ZDHHC14: variants seen among roughly 807,000 people sequenced by gnomAD.
The protein encoded by ZDHHC14 is zDHHC palmitoyltransferase 14, also known as palmitoyltransferase ZDHHC14.
In ZDHHC14, 16 loss-of-function variants were observed where a neutral mutation model predicts 47.7. The observed-to-expected ratio is 0.34, with a 90% CI of 0.23 to 0.51. ZDHHC14 has a LOEUF of 0.51. ZDHHC14 is among the 20% of genes least tolerant of loss of function. The pLI is 0.97. For synonymous variants in ZDHHC14, 293 were observed against 278.9 expected (o/e 1.05, Z -0.50); for missense variants, 515 against 662.5 (o/e 0.78, Z 2.44).
chr6:157,668,505 A>T (rs1277976022), intron 8 of ZDHHC14, among the ~76,000 whole-genome samples: 1 of 147,784 alleles, frequency 6.8e-6, no homozygotes, highest in Non-Finnish European at 1.5e-5. Flanking sequence ...CCAACACAGT[A>T]AAACCCCCAT....
chr6:157,626,801 C>T (rs566866480), intron 3 of ZDHHC14, among the ~76,000 whole-genome samples: 46 of 150,570 alleles, frequency 3.1e-4, no homozygotes, highest in African/African-American at 9.2e-4. Flanking sequence ...TCCCCGGCCC[C>T]GGGTATTCTC....
chr6:157,591,017 A>G (rs1404738016), intron 2 of ZDHHC14, among the ~76,000 whole-genome samples: 1 of 152,248 alleles, frequency 6.6e-6, no homozygotes, highest in Non-Finnish European at 1.5e-5. Flanking sequence ...TGGGGCCTGT[A>G]GCCCATTTGT....
At chr6:157,621,728 A>C (rs1455282513) in intron 3 of ZDHHC14, among the ~76,000 whole-genome samples, 13 of 152,142 alleles carry the variant, frequency 8.5e-5, no homozygotes, top group Admixed American at 8.5e-4. Flanking sequence ...CTTGCCAAAC[A>C]TTTCGTTCGA....
intron 1 of ZDHHC14, among the ~76,000 whole-genome samples, chr6:157,529,865 C>T (rs1018823428): frequency 6.6e-6 from 1 of 152,158 alleles, no homozygotes; most frequent in Non-Finnish European, 1.5e-5. Flanking sequence ...ATCTGATTGA[C>T]TTCTGGTTAT....
At chr6:157,416,434 A>T (rs1777972594) in intron 1 of ZDHHC14, among the ~76,000 whole-genome samples, 2 of 152,046 alleles carry the variant, frequency 1.3e-5, no homozygotes, top group African/African-American at 4.8e-5. Flanking sequence ...AGGCCAAGTC[A>T]AGAGGATTGC....
At chr6:157,508,663 C>T (rs1378101480) in intron 1 of ZDHHC14, among the ~76,000 whole-genome samples, 1 of 152,186 alleles carries the variant, frequency 6.6e-6, no homozygotes, top group Non-Finnish European at 1.5e-5. Context: ...AAGGTGTGAG[C>T]CACTGCACCC....
Position 157,463,466 on chromosome 6 carries a change from TATATCCATAGC to T in ZDHHC14, c.246-79117_246-79107del, listed in dbSNP as rs1232133172. 2.6e-5 allele frequency among the ~76,000 whole-genome samples: 4 copies of T among 152,164 alleles called. No homozygotes were observed. The highest frequency in any genetic ancestry group is 5.9e-5 in the Non-Finnish European group (4 of 68,024). On this transcript the variant is annotated intron_variant, in intron 1 of 8. Coordinates refer to ENST00000359775, the MANE Select transcript of ZDHHC14 (RefSeq NM_024630.3). This position sits in a 1 kb window ranked among gnomAD's most constrained non-coding sequence, Gnocchi z 4.4. ...GTGTAGCCCTGCCCCTATACATTTG[TATATCCATAGC>T]AGTGCTGTGCTCTCTATCACCCCCA... is the stretch of plus-strand genomic sequence containing the variant.
intron 1 of ZDHHC14, among the ~76,000 whole-genome samples, chr6:157,541,343 G>A (rs1375285639): frequency 6.6e-6 from 1 of 152,140 alleles, no homozygotes; most frequent in African/African-American, 2.4e-5. Context: ...CACGGCTTGT[G>A]GCTCTCAAGT....
chr6:157,498,725 G>C (rs1210103568), intron 1 of ZDHHC14, among the ~76,000 whole-genome samples: 1 of 152,158 alleles, frequency 6.6e-6, no homozygotes, highest in Admixed American at 6.5e-5. Flanking sequence ...CTCTTGTCCT[G>C]CTTTATTTCT....
chr6:157,591,208 G>C (rs149580438), intron 2 of ZDHHC14, among the ~76,000 whole-genome samples: 10 of 152,212 alleles, frequency 6.6e-5, no homozygotes, highest in Non-Finnish European at 8.8e-5. Context: ...TTGGGGGACT[G>C]TTGGAAAGGC....
chr6:157,649,747 G>T (rs1583072639), intron 7 of ZDHHC14, among the ~76,000 whole-genome samples: 1 of 152,256 alleles, frequency 6.6e-6, no homozygotes, highest in East Asian at 1.9e-4. Context: ...GTTCCCAGAG[G>T]CAGGGATGGC....
intron 1 of ZDHHC14, among the ~76,000 whole-genome samples, chr6:157,458,849 A>ATTTTGTTTTTTTTTTTTTTTTTTTTTT (rs1778991869): frequency 1.2e-5 from 1 of 81,226 alleles, no homozygotes. Context: ...ATGTGGGTGG[A>ATTTTGTTTTTTTTTTTTTTTTTTTTTT]TTTTTTTTTT....
chr6:157,434,049 T>C (rs1435508423), intron 1 of ZDHHC14, among the ~76,000 whole-genome samples: 5 of 152,128 alleles, frequency 3.3e-5, no homozygotes, highest in Non-Finnish European at 5.9e-5. Flanking sequence ...GCTCAGTACA[T>C]GGTTTTTGAC....
intron 7 of ZDHHC14, among the ~76,000 whole-genome samples, chr6:157,647,998 A>G (rs1370194320): frequency 6.6e-6 from 1 of 152,212 alleles, no homozygotes; most frequent in East Asian, 1.9e-4. Flanking sequence ...AGTGAGGCAC[A>G]GAGTTTAAAT....
chr6:157,546,811 A>C (rs1562473583), intron 2 of ZDHHC14, among the ~76,000 whole-genome samples: 1 of 152,216 alleles, frequency 6.6e-6, no homozygotes. Flanking sequence ...CCAGGGATCA[A>C]AATAGGGGAA....
Position 157,428,007 on chromosome 6 carries a change from A to C in ZDHHC14, c.245+45741A>C, listed in dbSNP as rs569515373. 1.6e-4 allele frequency among the ~76,000 whole-genome samples: 24 copies of C among 152,272 alleles called. No homozygotes were observed. The South Asian group carries it at 4.6e-3, about 29-fold the overall frequency. On this transcript the variant is annotated intron_variant, in intron 1 of 8. Coordinates refer to ENST00000359775, the MANE Select transcript of ZDHHC14 (RefSeq NM_024630.3). Reference sequence around the variant, plus strand: ...GTTCACTTATCCATGTGAAGGAGGAATAGGGATCGTGAATAGAGGAATATC... The same window carrying C: ...GTTCACTTATCCATGTGAAGGAGGACTAGGGATCGTGAATAGAGGAATATC...
chr6:157,523,005 T>C (rs6913984), intron 1 of ZDHHC14, among the ~76,000 whole-genome samples: 56 of 135,392 alleles, frequency 4.1e-4, no homozygotes, highest in African/African-American at 1.7e-3. Flanking sequence ...TCTTTTCTTT[T>C]CTTTTTCTTT....
chr6:157,526,570 C>G (rs1380764784), intron 1 of ZDHHC14, among the ~76,000 whole-genome samples: 1 of 152,222 alleles, frequency 6.6e-6, no homozygotes, highest in African/African-American at 2.4e-5. Flanking sequence ...CTAGAACCTT[C>G]TTTTCACTCT....
At chr6:157,394,978 CAG>C (rs750583537) in intron 1 of ZDHHC14, among the ~76,000 whole-genome samples, 6 of 151,116 alleles carry the variant, frequency 4.0e-5, no homozygotes, top group Non-Finnish European at 8.8e-5. Context: ...GCAGGAGAGA[CAG>C]GGGTTGCAGC....
Sources: allele counts gnomAD v4.1 joint callset (sites outside exome capture counted in the v4.1 genomes callset), GRCh38; gene constraint gnomAD v4.1.1; non-coding constraint Gnocchi (gnomAD v3.1); transcripts MANE v1.5; gene names NCBI Gene and HGNC (gene_info 2026-07-23, HGNC 2026-07-21).